Variants in C19orf47 observed in about 807,000 individuals in gnomAD.
C19orf47 encodes the protein uncharacterized protein C19orf47.
In C19orf47, 18 loss-of-function variants were observed where a neutral mutation model predicts 32.3. That is an observed-to-expected ratio of 0.56 (90% CI 0.39 to 0.83). The LOEUF is 0.83. Among genes scored for constraint, C19orf47 ranks in the 40% least tolerant of loss-of-function variants. The probability of loss-of-function intolerance (pLI) is 0.00; values close to 1 mark genes in which losing one functional copy is unlikely to be tolerated. For missense variants in C19orf47, 484 were observed against 531.6 expected (o/e 0.91, Z 0.88); for synonymous variants, 202 against 211.1 (o/e 0.96, Z 0.37).
the C19orf47 span, among the ~76,000 whole-genome samples, chr19:40,306,842 G>A: frequency 7.0e-6 from 1 of 143,448 alleles, no homozygotes; most frequent in African/African-American, 2.6e-5. Flanking sequence ...AGGCTGGAGT[G>A]CAGTGGTGCG....
chr19:40,334,181 G>A (rs2078012545), intron 4 of C19orf47, among the ~76,000 whole-genome samples: 1 of 152,254 alleles, frequency 6.6e-6, no homozygotes, highest in South Asian at 2.1e-4. Context: ...AGGTGCGGTG[G>A]TTCACGCCTG....
intron 2 of C19orf47, 88 bp from the exon 3 acceptor site, chr19:40,336,495 T>G (rs2078068995): frequency 1.7e-6 from 2 of 1,201,384 alleles, no homozygotes; most frequent in Non-Finnish European, 2.4e-6. Flanking sequence ...CTCCCACAAA[T>G]TAAATGCTCA....
chr19:40,305,428 A>C, the C19orf47 span, among the ~76,000 whole-genome samples: 1 of 152,076 alleles, frequency 6.6e-6, no homozygotes, highest in African/African-American at 2.4e-5. Context: ...AATAATATAA[A>C]CACCACCTGA....
chr19:40,339,985 A>C lies in C19orf47; in HGVS notation c.19+1854T>G, dbSNP rs193238477. Among the ~76,000 whole-genome samples the C allele has an allele frequency of 4.8e-4, 73 of 151,896 alleles. 1 individual carries two copies. The highest frequency in any genetic ancestry group is 1.1e-3 in the African/African-American group (44 of 41,456). The stretch of plus-strand genomic sequence containing the variant: ...AGCGAAACTCCATCTCAAAACAAAA[A>C]AAAAAAAAAACAAAAAAAGAAAGGT... On this transcript the variant is annotated intron_variant, in intron 2 of 8. Coordinates refer to ENST00000683109, the MANE Select transcript of C19orf47 (RefSeq NM_001256441.2).
the C19orf47 span, among the ~76,000 whole-genome samples, chr19:40,303,686 C>T: frequency 6.6e-6 from 1 of 151,726 alleles, no homozygotes; most frequent in South Asian, 2.1e-4. Flanking sequence ...CGCCTGTAGT[C>T]CCAGCTACTC....
chr19:40,326,074 A>T (rs1201052472), intron 7 of C19orf47, among the ~76,000 whole-genome samples: 8 of 152,252 alleles, frequency 5.3e-5, no homozygotes, highest in African/African-American at 1.9e-4. Flanking sequence ...ATTTTACAGC[A>T]GGCCATCACT....
chr19:40,311,064 C>A, the C19orf47 span, among the ~76,000 whole-genome samples: 4 of 151,852 alleles, frequency 2.6e-5, no homozygotes, highest in African/African-American at 9.7e-5. Context: ...ATAGCAAGCC[C>A]CCTTCTCTAC....
intron 4 of C19orf47, chr19:40,334,776 G>A (rs1352310454): frequency 6.6e-6 from 1 of 152,026 alleles, no homozygotes; most frequent in African/African-American, 2.4e-5. Context: ...GCCAGGCACA[G>A]GGGCACATGC....
At chr19:40,324,193 C>G (rs1156705240) in intron 7 of C19orf47, 117 bp from the exon 8 acceptor site, 2 of 995,684 alleles carry the variant, frequency 2.0e-6, no homozygotes, top group African/African-American at 3.2e-5. Flanking sequence ...CAGGGCCAGA[C>G]TGTGCTGAGT....
Position 40,338,308 on chromosome 19 carries a change from CAT to C in C19orf47, c.20-1903_20-1902del, listed in dbSNP as rs888883493. ...ACACACACAAATATATATATATACA[CAT>C]ATATATACACAAATATATATATACA... On this transcript the variant is annotated intron_variant, in intron 2 of 8. Coordinates refer to ENST00000683109, the MANE Select transcript of C19orf47 (RefSeq NM_001256441.2). 3.4e-5 allele frequency among the ~76,000 whole-genome samples: 5 copies of C among 148,268 alleles called. No individual in the cohort carries two copies. In the South Asian group the frequency reaches 8.5e-4, roughly 25 times the overall value.
chr19:40,325,505 G>C (rs2077811061), intron 7 of C19orf47, among the ~76,000 whole-genome samples: 1 of 152,040 alleles, frequency 6.6e-6, no homozygotes, highest in African/African-American at 2.4e-5. Context: ...GCATGAGCCT[G>C]TAGTCCCAGC....
intron 2 of C19orf47, among the ~76,000 whole-genome samples, chr19:40,339,553 C>T (rs2078135334): frequency 6.6e-6 from 1 of 151,964 alleles, no homozygotes; most frequent in Non-Finnish European, 1.5e-5. Flanking sequence ...CATAGATGAC[C>T]CTTAGACATT....
At chr19:40,335,771 G>A (rs1434953427) in intron 4 of C19orf47, among the ~76,000 whole-genome samples, 4 of 152,022 alleles carry the variant, frequency 2.6e-5, no homozygotes, top group African/African-American at 9.7e-5. Flanking sequence ...CACCACGCTC[G>A]GCTAATTTTT....
chr19:40,339,454 T>C (rs1037377631), intron 2 of C19orf47, among the ~76,000 whole-genome samples: 57 of 152,134 alleles, frequency 3.7e-4, no homozygotes, highest in African/African-American at 1.3e-3. Flanking sequence ...AACCCAGTAA[T>C]AATGCAATAT....
chr19:40,312,741 C>T, the C19orf47 span, among the ~76,000 whole-genome samples: 35 of 152,266 alleles, frequency 2.3e-4, no homozygotes, highest in African/African-American at 8.2e-4. Context: ...AGTTTTAAGA[C>T]GACACCAACC....
the C19orf47 span, among the ~76,000 whole-genome samples, chr19:40,306,151 C>CAAAAAAAAAAAAAAAAAAAAAAAAAAAA: frequency 3.7e-5 from 2 of 53,874 alleles, no homozygotes; most frequent in Non-Finnish European, 3.6e-5. Context: ...AACTCTGTCT[C>CAAAAAAAAAAAAAAAAAAAAAAAAAAAA]AAAAAAAAAA....
At position 40,348,315 on chromosome 19, in the gene C19orf47, G is replaced by T; in HGVS notation, c.-34+9C>A. ...GGCCCAGTCCCACCACCCCCGGCCC[G>T]CGCCTCACCTGGCCCACCGGGCCCG... On this transcript the variant is annotated intron_variant, in intron 1 of 8. Transcript: ENST00000683109. The T allele has an allele frequency of 3.9e-6, 5 of 1,290,650 alleles. No individual in the cohort carries two copies. The highest frequency in any genetic ancestry group is 4.9e-6 in the Non-Finnish European group (5 of 1,017,422). The allele number at this position is 1,290,650 out of a possible 1,614,324, so 79.9% of individuals were successfully genotyped here. A position where few individuals can be genotyped will look rare whatever the true frequency, so the allele number is the denominator to read the frequency against.
chr19:40,323,089 C>CG (rs1298920698), intron 8 of C19orf47, among the ~76,000 whole-genome samples: 1 of 152,210 alleles, frequency 6.6e-6, no homozygotes, highest in Non-Finnish European at 1.5e-5. Flanking sequence ...ATTGAGCACT[C>CG]GCTATGCGCC....
At chr19:40,312,192 AT>A in the C19orf47 span, among the ~76,000 whole-genome samples, 1 of 152,136 alleles carries the variant, frequency 6.6e-6, no homozygotes, top group African/African-American at 2.4e-5. Flanking sequence ...CTCCTCCTGA[AT>A]CTGATGGGCC....
Sources: allele counts gnomAD v4.1 joint callset (sites outside exome capture counted in the v4.1 genomes callset), GRCh38; gene constraint gnomAD v4.1.1; transcripts MANE v1.5; gene names NCBI Gene and HGNC (gene_info 2026-07-23, HGNC 2026-07-21).